The following LCLAT1 variants were observed in gnomAD, a reference collection of about 807,000 sequenced individuals.
The protein encoded by LCLAT1 is 1-AGP acyltransferase 8.
In LCLAT1, 11 loss-of-function variants were observed where a neutral mutation model predicts 30.7. The ratio of observed to expected loss-of-function variants is 0.36; its 90% CI spans 0.23 to 0.59. The LOEUF (loss-of-function observed/expected upper bound fraction) is 0.59. Ranked by LOEUF, LCLAT1 falls within the 20% of genes least tolerant of loss-of-function variation. The probability of loss-of-function intolerance (pLI) is 0.77; values close to 1 mark genes in which losing one functional copy is unlikely to be tolerated. For synonymous variants in LCLAT1, 155 were observed against 151.3 expected (o/e 1.02, Z -0.18); for missense variants, 402 against 458.6 (o/e 0.88, Z 1.13).
In LCLAT1 at chr2:30,503,822, C is replaced by T. The variant is rs150863970; in HGVS notation, c.-4-21765C>T. Among the ~76,000 whole-genome samples the T allele has an allele frequency of 6.6e-4, 101 of 152,286 alleles. 1 individual carries two copies. The highest frequency in any genetic ancestry group is 1.5e-3 in the African/African-American group (64 of 41,542). ...CCACAAAAAATAATGTCAAGAAGTC[C>T]GCTTCTTTATGTCTTTGCATTTTGT... On this transcript the variant is annotated intron_variant, in intron 1 of 5. Coordinates refer to ENST00000379509, the MANE Select transcript of LCLAT1 (RefSeq NM_001002257.3).
At chr2:30,525,179 A>G (rs1028618208) in intron 1 of LCLAT1, among the ~76,000 whole-genome samples, 5 of 151,854 alleles carry the variant, frequency 3.3e-5, no homozygotes, top group African/African-American at 1.2e-4. Context: ...ATCTTGGCTC[A>G]CTGTAACATC....
chr2:30,562,328 T>C (rs752547499), intron 4 of LCLAT1, 36 bp downstream of exon 4: 1 of 1,545,256 alleles, frequency 6.5e-7, no homozygotes, highest in Admixed American at 1.8e-5. Context: ...TTAGAAATCA[T>C]GTAGTCTAAA....
chr2:30,558,029 TA>T (rs1665012902), intron 3 of LCLAT1, among the ~76,000 whole-genome samples: 1 of 152,106 alleles, frequency 6.6e-6, no homozygotes, highest in Non-Finnish European at 1.5e-5. Context: ...TAGTGAAAGC[TA>T]AAACAGTAAA....
In LCLAT1 at chr2:30,568,154, T is replaced by G. The variant is rs1310675139; in HGVS notation, c.606T>G (p.Phe202Leu). ...VLHPRTTGFTFVVDRLREGKN... is the reference protein window; with the variant it reads ...VLHPRTTGFTLVVDRLREGKN... ...ATCCAAGAACTACAGGCTTTACTTT[T>G]GTGGTAGACCGTCTAAGAGAAGGTA... Residue 202 changes from phenylalanine (F) to leucine (L), a missense_variant, in exon 5 of 6, where the codon TTT (phenylalanine) becomes TTG (leucine). Coordinates refer to ENST00000379509, the MANE Select transcript of LCLAT1 (RefSeq NM_001002257.3). The G allele has an allele frequency of 1.9e-6, 3 of 1,596,532 alleles. No homozygotes were observed. The East Asian group carries it at 6.7e-5, about 36-fold the overall frequency.
At chr2:30,485,189 TCAG>T (rs1054740811) in intron 1 of LCLAT1, among the ~76,000 whole-genome samples, 2 of 152,176 alleles carry the variant, frequency 1.3e-5, no homozygotes, top group African/African-American at 4.8e-5. Flanking sequence ...TTAGGAATTA[TCAG>T]CAGATGTTTT....
intron 5 of LCLAT1, among the ~76,000 whole-genome samples, chr2:30,623,046 A>ATTTTTTTTTTTTTTTTTTT (rs34283582): frequency 1.2e-5 from 1 of 83,240 alleles, no homozygotes. Flanking sequence ...AATTCAAAGA[A>ATTTTTTTTTTTTTTTTTTT]TTTTTTTTTT....
chr2:30,547,709 G>T (rs540912504), intron 3 of LCLAT1, among the ~76,000 whole-genome samples: 22 of 124,758 alleles, frequency 1.8e-4, no homozygotes, highest in African/African-American at 5.8e-4. Flanking sequence ...TCAGACATCA[G>T]GAGGATGGCA....
At chr2:30,540,687 A>G (rs1664094381) in intron 3 of LCLAT1, among the ~76,000 whole-genome samples, 2 of 149,918 alleles carry the variant, frequency 1.3e-5, no homozygotes, top group Non-Finnish European at 3.0e-5. Flanking sequence ...TTTTTGAGAC[A>G]AAGTCTCCCT....
intron 3 of LCLAT1, among the ~76,000 whole-genome samples, chr2:30,535,969 T>C (rs771868296): frequency 4.6e-5 from 7 of 151,860 alleles, no homozygotes; most frequent in Non-Finnish European, 1.0e-4. Flanking sequence ...GTAGATATCA[T>C]AAAAAAGAAT....
At chr2:30,459,099 C>G (rs1027759398) in intron 1 of LCLAT1, among the ~76,000 whole-genome samples, 4 of 152,118 alleles carry the variant, frequency 2.6e-5, no homozygotes, top group African/African-American at 9.7e-5. Flanking sequence ...GCTTGCTTTC[C>G]TTCTTTAGGA....
intron 1 of LCLAT1, among the ~76,000 whole-genome samples, chr2:30,471,298 C>T (rs941427606): frequency 1.3e-5 from 2 of 152,138 alleles, no homozygotes; most frequent in African/African-American, 2.4e-5. Flanking sequence ...CAACCTCCGC[C>T]TCCCGGGTTC....
chr2:30,455,079 ACAGTGGATATAATTGGATC>A (rs562816013), intron 1 of LCLAT1, among the ~76,000 whole-genome samples: 117 of 152,254 alleles, frequency 7.7e-4, no homozygotes, highest in Admixed American at 3.3e-3. Flanking sequence ...AACTGAGTAT[ACAGTGGATATAATTGGATC>A]CAGTGGATAT....
intron 3 of LCLAT1, among the ~76,000 whole-genome samples, chr2:30,549,614 A>C (rs1664589768): frequency 1.3e-5 from 2 of 152,198 alleles, no homozygotes; most frequent in African/African-American, 4.8e-5. Context: ...TAATAATAGA[A>C]AAGATATGCA....
chr2:30,615,421 G>A (rs1037887855), intron 5 of LCLAT1, among the ~76,000 whole-genome samples: 2 of 152,080 alleles, frequency 1.3e-5, no homozygotes, highest in South Asian at 4.1e-4. Context: ...GGATAGTGAG[G>A]AAGTTATTGG....
At chr2:30,527,973 A>G (rs2148388259) in intron 2 of LCLAT1, among the ~76,000 whole-genome samples, 1 of 152,288 alleles carries the variant, frequency 6.6e-6, no homozygotes, top group African/African-American at 2.4e-5. Flanking sequence ...ATGTCATCAA[A>G]GGGTTCAGAT....
At position 30,633,410 on chromosome 2, in the gene LCLAT1, C is replaced by T. The variant is rs564754189; in HGVS notation, c.629-6707C>T. On this transcript the variant is annotated intron_variant, in intron 5 of 5. Transcript: ENST00000379509. ...TAATCTTAAATAAGTTACATGTCGC[C>T]GGGCACAGTGGCTCACGCCTGTAAT... Among the ~76,000 whole-genome samples the T allele has an allele frequency of 1.1e-4, 17 of 152,140 alleles. No individual in the cohort carries two copies. The East Asian group carries it at 1.7e-3, about 16-fold the overall frequency.
chr2:30,482,039 A>G (rs1683346740), intron 1 of LCLAT1, among the ~76,000 whole-genome samples: 1 of 152,230 alleles, frequency 6.6e-6, no homozygotes, highest in African/African-American at 2.4e-5. Flanking sequence ...CTAGTATTAT[A>G]AATAAATTGA....
intron 5 of LCLAT1, among the ~76,000 whole-genome samples, chr2:30,613,018 G>T (rs1016900133): frequency 6.6e-6 from 1 of 152,114 alleles, no homozygotes; most frequent in Non-Finnish European, 1.5e-5. Context: ...GGTAGTCAGG[G>T]CTCCCCTGAA....
Position 30,520,570 on chromosome 2 carries a change from G to A in LCLAT1, c.-4-5017G>A, listed in dbSNP as rs143724635. On this transcript the variant is annotated intron_variant, in intron 1 of 5. Coordinates refer to ENST00000379509, the MANE Select transcript of LCLAT1 (RefSeq NM_001002257.3). The stretch of plus-strand genomic sequence containing the variant: ...CTTAACCCCTTGCTGCCTCAGTATC[G>A]TTATATGTAAAATTAAGGTAATGAA... Among the ~76,000 whole-genome samples, 126 of 152,186 alleles carry A rather than the reference G, an allele frequency of 8.3e-4. 1 individual carries two copies. The highest frequency in any genetic ancestry group is 4.1e-3 in the East Asian group (21 of 5,180).
Sources: gnomAD v4.1 joint callset for allele counts (sites outside exome capture counted in the v4.1 genomes callset) on GRCh38, gnomAD v4.1.1 for gene constraint, MANE v1.5 for transcripts, NCBI Gene and HGNC (gene_info 2026-07-23, HGNC 2026-07-21) for gene names.